The following STXBP4 variants were observed in gnomAD, a reference collection of about 807,000 sequenced individuals.
The protein encoded by STXBP4 is syntaxin binding protein 4.
Under a neutral mutation model 76.1 loss-of-function variants are expected in STXBP4, and 55 were observed. The observed-to-expected ratio is 0.72, with a 90% CI of 0.58 to 0.91. STXBP4 has a LOEUF of 0.91. Ranked by LOEUF, STXBP4 falls within the 40% of genes least tolerant of loss-of-function variation. The pLI, the probability that STXBP4 is intolerant of heterozygous loss-of-function variation, is 0.00. For missense variants in STXBP4, 618 were observed against 636.9 expected, an observed-to-expected ratio of 0.97 and a Z score of 0.32; for synonymous variants, 201 against 220.2, an observed-to-expected ratio of 0.91 and a Z score of 0.77.
chr17:55,154,021 T>C (rs1351499428), intron 17 of STXBP4, among the ~76,000 whole-genome samples: 1 of 152,188 alleles, frequency 6.6e-6, no homozygotes, highest in African/African-American at 2.4e-5. Context: ...AGTGACGCTA[T>C]CTGAAATAAC....
downstream of STXBP4, among the ~76,000 whole-genome samples, chr17:55,177,031 C>T (rs1407331423): frequency 2.0e-5 from 3 of 152,098 alleles, no homozygotes; most frequent in Admixed American, 2.0e-4. Context: ...GACCAAATTA[C>T]ACCCCTGCTT....
At chr17:55,007,253 C>T (rs2078025412) in intron 7 of STXBP4, among the ~76,000 whole-genome samples, 1 of 151,516 alleles carries the variant, frequency 6.6e-6, no homozygotes, top group Non-Finnish European at 1.5e-5. Context: ...GCAGGAGAAT[C>T]ACTTGAACCC....
At chr17:55,098,171 C>G (rs543269830) in intron 16 of STXBP4, among the ~76,000 whole-genome samples, 7 of 152,206 alleles carry the variant, frequency 4.6e-5, no homozygotes, top group Admixed American at 1.3e-4. Context: ...TATGATCTAT[C>G]GTTACATTAC....
intron 12 of STXBP4, among the ~76,000 whole-genome samples, chr17:55,048,444 A>G (rs926604307): frequency 1.2e-4 from 18 of 151,908 alleles, no homozygotes; most frequent in African/African-American, 4.3e-4. Context: ...GTCAGATGAT[A>G]TCAATGAAAG....
At chr17:55,020,132 C>T (rs1232074699) in intron 8 of STXBP4, among the ~76,000 whole-genome samples, 2 of 152,020 alleles carry the variant, frequency 1.3e-5, no homozygotes, top group East Asian at 3.9e-4. Context: ...TATCTGTTAC[C>T]CGTTCAATTA....
At chr17:55,062,197 A>G (rs1005036402) in intron 12 of STXBP4, among the ~76,000 whole-genome samples, 3 of 151,898 alleles carry the variant, frequency 2.0e-5, no homozygotes, top group Non-Finnish European at 4.4e-5. Context: ...CCATCAATCC[A>G]TCATCTACAT....
chr17:55,063,920 T>C (rs576032173), intron 12 of STXBP4, among the ~76,000 whole-genome samples: 9 of 152,168 alleles, frequency 5.9e-5, no homozygotes, highest in Non-Finnish European at 1.3e-4. Context: ...GTTAGAGCAA[T>C]ATAAATTAAT....
Position 55,031,547 on chromosome 17 carries a change from A to G in STXBP4, c.763+283A>G, listed in dbSNP as rs143579857. On this transcript the variant is annotated intron_variant, in intron 9 of 17. Coordinates refer to ENST00000376352, the MANE Select transcript of STXBP4 (RefSeq NM_178509.6). ...TTATTGCATAAACATTGCTTTAGTA[A>G]TAACAAAAGAAACAGTACAAAATAT... Among the ~76,000 whole-genome samples, 4 of 152,306 alleles carry G rather than the reference A, an allele frequency of 2.6e-5. No homozygotes were observed. The East Asian group carries it at 7.7e-4, about 29-fold the overall frequency.
chr17:54,978,968 C>T (rs2077510733), intron 1 of STXBP4, among the ~76,000 whole-genome samples: 1 of 151,982 alleles, frequency 6.6e-6, no homozygotes, highest in Non-Finnish European at 1.5e-5. Flanking sequence ...ATTATTTAAC[C>T]AGTTATCAAT....
chr17:55,197,804 T>G, the STXBP4 span, among the ~76,000 whole-genome samples: 1 of 152,164 alleles, frequency 6.6e-6, no homozygotes, highest in Middle Eastern at 3.5e-3. Context: ...AAAGCATTGT[T>G]GGGAAGAGCA....
chr17:55,125,479 C>CAAAA (rs10632680), intron 16 of STXBP4, among the ~76,000 whole-genome samples: 21,995 of 90,836 alleles, frequency 0.24, 2,830 homozygotes, highest in Middle Eastern at 0.31. Flanking sequence ...GGACAAAATA[C>CAAAA]AAAAAAAAAA....
chr17:55,027,118 G>T (rs1343599927), intron 8 of STXBP4, among the ~76,000 whole-genome samples: 2 of 152,140 alleles, frequency 1.3e-5, no homozygotes, highest in African/African-American at 4.8e-5. Flanking sequence ...GAACTCTTCT[G>T]TGCAGCAGAG....
At chr17:55,056,155 T>G (rs1400523218) in intron 12 of STXBP4, among the ~76,000 whole-genome samples, 1 of 152,234 alleles carries the variant, frequency 6.6e-6, no homozygotes, top group Non-Finnish European at 1.5e-5. Context: ...GAGCTACATT[T>G]TTAAAAAAGG....
At chr17:55,113,262 C>CACACACACA in intron 16 of STXBP4, among the ~76,000 whole-genome samples, 1 of 145,690 alleles carries the variant, frequency 6.9e-6, no homozygotes, top group African/African-American at 2.5e-5. Flanking sequence ...CACACACACA[C>CACACACACA]GAGGTAGCTA....
At chr17:55,118,417 G>A (rs565980348) in intron 16 of STXBP4, among the ~76,000 whole-genome samples, 10 of 152,052 alleles carry the variant, frequency 6.6e-5, no homozygotes, top group Middle Eastern at 3.4e-3. Context: ...TTATTATAAC[G>A]AGGAGGATTG....
chr17:55,190,262 A>G, the STXBP4 span, among the ~76,000 whole-genome samples: 1 of 152,206 alleles, frequency 6.6e-6, no homozygotes, highest in Non-Finnish European at 1.5e-5. Context: ...CAGAGAGCTC[A>G]CAAGCTCTCA....
chr17:54,977,708 C>A (rs921137196), intron 1 of STXBP4, among the ~76,000 whole-genome samples: 2 of 152,120 alleles, frequency 1.3e-5, no homozygotes, highest in African/African-American at 4.8e-5. Flanking sequence ...TCTTAAACAA[C>A]CTTAGGATTA....
intron 8 of STXBP4, among the ~76,000 whole-genome samples, chr17:55,010,686 G>C (rs1472030124): frequency 6.6e-6 from 1 of 152,074 alleles, no homozygotes; most frequent in Non-Finnish European, 1.5e-5. Context: ...CCATTTCGCT[G>C]ATATTTACTT....
chr17:55,021,069 C>T (rs1250837263), intron 8 of STXBP4, among the ~76,000 whole-genome samples: 1 of 152,158 alleles, frequency 6.6e-6, no homozygotes, highest in Non-Finnish European at 1.5e-5. Context: ...CTAAGGAAGA[C>T]ATATTCTGTA....
Sources: allele counts gnomAD v4.1 joint callset (sites outside exome capture counted in the v4.1 genomes callset), GRCh38; gene constraint gnomAD v4.1.1; transcripts MANE v1.5; gene names NCBI Gene and HGNC (gene_info 2026-07-23, HGNC 2026-07-21).